CHID1: variants seen among roughly 807,000 people sequenced by gnomAD.
CHID1 encodes chitinase domain containing 1, also known as chitinase domain-containing protein 1.
Under a neutral mutation model 55.4 loss-of-function variants are expected in CHID1, and 44 were observed. That is an observed-to-expected ratio of 0.79 (90% CI 0.62 to 1.02). The LOEUF is 1.02. Ranked by LOEUF, CHID1 falls within the 50% of genes least tolerant of loss-of-function variation. CHID1 has a pLI of 0.00. For missense variants in CHID1, 491 were observed against 515.3 expected, an observed-to-expected ratio of 0.95 and a Z score of 0.46; for synonymous variants, 216 against 212.9, an observed-to-expected ratio of 1.01 and a Z score of -0.13.
chr11:894,757 G>A (rs967959906), intron 7 of CHID1, among the ~76,000 whole-genome samples: 2 of 152,190 alleles, frequency 1.3e-5, no homozygotes, highest in African/African-American at 4.8e-5. Context: ...GTCAGGACGA[G>A]GTGACGGTTC....
At chr11:892,105 ACT>A (rs1291262736) in intron 8 of CHID1, among the ~76,000 whole-genome samples, 1 of 151,792 alleles carries the variant, frequency 6.6e-6, no homozygotes, top group Non-Finnish European at 1.5e-5. Flanking sequence ...ACAGAGTGAG[ACT>A]CTATCTCAAA....
At chr11:885,276 C>A (rs887779318) in intron 8 of CHID1, among the ~76,000 whole-genome samples, 2 of 152,178 alleles carry the variant, frequency 1.3e-5, no homozygotes, top group Non-Finnish European at 2.9e-5. Flanking sequence ...TCCTGCAGAT[C>A]CCTGGACCCA....
chr11:876,184 G>C (rs931378876), intron 10 of CHID1, among the ~76,000 whole-genome samples: 1 of 152,168 alleles, frequency 6.6e-6, no homozygotes, highest in Non-Finnish European at 1.5e-5. Context: ...TCGAGAAAGG[G>C]CCAGGGAGAA....
At chr11:914,910 C>T (rs770346348), upstream of CHID1, 5 of 298,790 alleles carry the variant, frequency 1.7e-5, no homozygotes, top group Admixed American at 4.7e-5. Flanking sequence ...AGCCTCGTGA[C>T]TCTGTCCTGT....
chr11:879,413 G>A (rs1159183083), intron 10 of CHID1, among the ~76,000 whole-genome samples: 1 of 152,244 alleles, frequency 6.6e-6, no homozygotes, highest in East Asian at 1.9e-4. Flanking sequence ...ATGTCACAAG[G>A]GTGGGCTGTA....
At chr11:889,052 C>T (rs1850611981) in intron 8 of CHID1, among the ~76,000 whole-genome samples, 1 of 152,212 alleles carries the variant, frequency 6.6e-6, no homozygotes, top group Non-Finnish European at 1.5e-5. Context: ...GTGCACTGCC[C>T]AGCTGGCTGC....
chr11:904,587 T>C, intron 2 of CHID1, 119 bp downstream of exon 2: 5 of 1,205,680 alleles, frequency 4.1e-6, no homozygotes, highest in Non-Finnish European at 5.9e-6. Flanking sequence ...TCAGGTGCCT[T>C]TGTGAGGAGC....
chr11:901,902 G>C (rs546017606), intron 4 of CHID1, among the ~76,000 whole-genome samples: 24 of 139,536 alleles, frequency 1.7e-4, no homozygotes, highest in African/African-American at 6.5e-4. Context: ...GGGCCCCAAG[G>C]GGTGAGGGCG....
upstream of CHID1, chr11:914,834 C>T (rs1852856448): frequency 3.0e-6 from 1 of 332,446 alleles, no homozygotes; most frequent in Non-Finnish European, 5.9e-6. Flanking sequence ...TGGGTGGGGT[C>T]GCGGCGGCTC....
Position 872,814 on chromosome 11 carries a change from C to T in CHID1, c.960-2315G>A, listed in dbSNP as rs145360800. Among the ~76,000 whole-genome samples the T allele has an allele frequency of 1.3e-3, 191 of 152,284 alleles. 2 individuals are homozygous for T. The highest frequency in any genetic ancestry group is 2.2e-3 in the Admixed American group (34 of 15,302). On this transcript the variant is annotated intron_variant, in intron 10 of 12. Transcript: ENST00000323578. The stretch of plus-strand genomic sequence containing the variant: ...GATACCTCAGGGCAGGGTTGGCCCT[C>T]GGGCTGTGGGGAGCTCTGGCCACGC...
upstream of CHID1, among the ~76,000 whole-genome samples, chr11:914,025 G>A (rs369850122): frequency 2.0e-5 from 3 of 149,936 alleles, no homozygotes; most frequent in East Asian, 3.9e-4. Context: ...CCGAGATCGC[G>A]CCACTGCACT....
intron 2 of CHID1, chr11:903,852 C>T (rs905974630): frequency 5.0e-5 from 10 of 200,066 alleles, no homozygotes; most frequent in East Asian, 1.9e-4. Flanking sequence ...CCACCGCCCC[C>T]GCCAACGTGA....
At chr11:886,239 C>T (rs1173313710) in intron 8 of CHID1, among the ~76,000 whole-genome samples, 1 of 150,642 alleles carries the variant, frequency 6.6e-6, no homozygotes, top group Admixed American at 6.7e-5. Flanking sequence ...GCAGGTCAAT[C>T]TCTTGAGCTC....
chr11:903,404 T>C (rs1461235685), intron 2 of CHID1, among the ~76,000 whole-genome samples: 1 of 152,182 alleles, frequency 6.6e-6, no homozygotes, highest in Non-Finnish European at 1.5e-5. Context: ...CCTCCTTGCA[T>C]GTGAGGGTGG....
intron 10 of CHID1, among the ~76,000 whole-genome samples, chr11:874,205 T>G (rs1302570156): frequency 4.6e-5 from 7 of 152,166 alleles, no homozygotes; most frequent in African/African-American, 1.7e-4. Context: ...CTCACGCCTG[T>G]AATCCCAGCA....
chr11:894,205 T>C (rs4963133), intron 7 of CHID1, among the ~76,000 whole-genome samples: 63,279 of 144,724 alleles, frequency 0.44, 14,628 homozygotes, highest in Admixed American at 0.53. Flanking sequence ...GATCCGAGGG[T>C]GGCCGCAGGG....
At chr11:878,301 C>G (rs1255973712) in intron 10 of CHID1, among the ~76,000 whole-genome samples, 2 of 152,196 alleles carry the variant, frequency 1.3e-5, no homozygotes, top group Non-Finnish European at 2.9e-5. Flanking sequence ...GTAGTTCCAG[C>G]TACTCGGGAG....
At position 869,436 on chromosome 11, in the gene CHID1, T is replaced by C. The variant is rs1849023902; in HGVS notation, c.*422A>G. On this transcript the variant is annotated 3_prime_UTR_variant, in exon 13 of 13. Coordinates refer to ENST00000323578, the MANE Select transcript of CHID1 (RefSeq NM_023947.4). ...GCTCTATCACTGCCAGGCCCTGGGG[T>C]GATGCTGGGCAGAGCTGTCCCTGCG... 4.8e-6 allele frequency: 1 copy of C among 206,408 alleles called. No individual in the cohort carries two copies. Among genetic ancestry groups the C allele is most frequent in the African/African-American group, 2.3e-5 (1 of 42,946 alleles). The allele number at this position is 206,408 out of a possible 1,614,324, so 12.8% of individuals were successfully genotyped here.
chr11:875,295 G>C lies in CHID1; in HGVS notation c.960-4796C>G, dbSNP rs1312772296. 6.6e-6 allele frequency among the ~76,000 whole-genome samples: 1 copy of C among 152,078 alleles called. No individual in the cohort carries two copies. Among genetic ancestry groups the C allele is most frequent in the Admixed American group, 6.5e-5 (1 of 15,282 alleles). ...CCTCGGTGGGTGGCCATCCTTCTTC[G>C]GGGCTGTCCTGTCTGAAATGTGGGA... On this transcript the variant is annotated intron_variant, in intron 10 of 12. Transcript: ENST00000323578. This position sits in a 1 kb window ranked among gnomAD's most constrained non-coding sequence, Gnocchi z 4.7.
Sources: gnomAD v4.1 joint callset for allele counts (sites outside exome capture counted in the v4.1 genomes callset) on GRCh38, gnomAD v4.1.1 for gene constraint, Gnocchi (gnomAD v3.1) non-coding constraint, MANE v1.5 for transcripts, NCBI Gene and HGNC (gene_info 2026-07-23, HGNC 2026-07-21) for gene names.